Variants in KAZN observed in about 807,000 individuals in gnomAD.
The protein encoded by KAZN is kazrin, periplakin interacting protein, also known as kazrin.
KAZN carries 40 observed loss-of-function variants against 87.4 expected under a neutral mutation model. That is an observed-to-expected ratio of 0.46 (90% confidence interval 0.36 to 0.60). The LOEUF (loss-of-function observed/expected upper bound fraction) is 0.60, where lower values mean the gene tolerates loss of function less well. Among genes scored for constraint, KAZN ranks in the 20% least tolerant of loss-of-function variants. KAZN has a pLI of 0.00. For missense variants in KAZN, 898 were observed against 1,073.9 expected (o/e 0.84, Z 2.29); for synonymous variants, 466 against 458.3 (o/e 1.02, Z -0.22).
intron 1 of KAZN, among the ~76,000 whole-genome samples, chr1:14,660,935 GACAGCCGCATCCTCC>G (rs1639130355): frequency 6.6e-6 from 1 of 152,170 alleles, no homozygotes; most frequent in African/African-American, 2.4e-5. Flanking sequence ...AGCAGGCTGT[GACAGCCGCATCCTCC>G]ACAGCACTGT....
intron 2 of KAZN, among the ~76,000 whole-genome samples, chr1:14,541,563 C>G (rs1185256245): frequency 6.6e-6 from 1 of 152,150 alleles, no homozygotes. Context: ...ATTGCTCAAC[C>G]CTTCGTGCTT....
rs1219985868 is a variant in KAZN at position 15,066,560 on chromosome 1, G to GA, written c.1222+815dup. The GA allele has an allele frequency of 1.3e-5, 13 of 983,678 alleles. No homozygotes were observed. The highest frequency in any genetic ancestry group is 6.2e-5 in the Admixed American group (1 of 16,208). The allele number at this position is 983,678 out of a possible 1,614,324, so 60.9% of individuals were successfully genotyped here. Reference sequence around the variant, plus strand: ...ATTGCATTGCCGTTTCTTTCTTTATGAAAAAAAAGAAAAAAAGAAAATTGT... The same window carrying GA: ...ATTGCATTGCCGTTTCTTTCTTTATGAAAAAAAAAGAAAAAAAGAAAATTGT... On this transcript the variant is annotated intron_variant, in intron 8 of 14. Transcript: ENST00000376030. This position sits in a 1 kb window ranked among gnomAD's most constrained non-coding sequence, Gnocchi z 4.3.
intron 2 of KAZN, among the ~76,000 whole-genome samples, chr1:14,519,110 A>G (rs892586468): frequency 2.0e-5 from 3 of 152,186 alleles, no homozygotes; most frequent in African/African-American, 4.8e-5. Context: ...CCCATTCAGC[A>G]TGGACTGCCT....
Position 14,576,432 on chromosome 1 carries a change from A to C in KAZN, c.250-22551A>C, listed in dbSNP as rs190703571. Among the ~76,000 whole-genome samples, 539 of 150,862 alleles carry C rather than the reference A, an allele frequency of 3.6e-3. 20 individuals are homozygous for C. The East Asian group carries it at 0.062, about 17-fold the overall frequency. ...AGATAAATAGATGGGTAGATGGATG[A>C]ATGGAACAATGGATGGATGGATGGA... On this transcript the variant is annotated intron_variant, in intron 2 of 16. Transcript: ENST00000636203.
chr1:14,074,622 G>A (rs1007948191), intron 1 of KAZN, among the ~76,000 whole-genome samples: 1 of 152,136 alleles, frequency 6.6e-6, no homozygotes, highest in African/African-American at 2.4e-5. Context: ...ACTAGAGCAG[G>A]GCCCTCTACA....
At position 14,598,779 on chromosome 1, in the gene KAZN, TC is replaced by T; in HGVS notation, c.-213del. ...CTCCTCTTTTTTCTCCTCCGCCTCC[TC>T]CCCCCGCCGCCTCGCCACCGCCGCG... On this transcript the variant is annotated 5_prime_UTR_variant, in exon 1 of 15. Coordinates refer to ENST00000376030, the MANE Select transcript of KAZN (RefSeq NM_201628.3). This position sits in a 1 kb window ranked among gnomAD's most constrained non-coding sequence, Gnocchi z 4.2. 6 of 1,348,310 alleles carry T rather than the reference TC, an allele frequency of 4.5e-6. No individual in the cohort carries two copies. The highest frequency in any genetic ancestry group is 2.0e-5 in the South Asian group (1 of 48,994). The allele number at this position is 1,348,310 out of a possible 1,614,324, so 83.5% of individuals were successfully genotyped here. A position where few individuals can be genotyped will look rare whatever the true frequency, so the allele number is the denominator to read the frequency against.
chr1:14,910,102 T>G (rs1298882255), intron 1 of KAZN, among the ~76,000 whole-genome samples: 2 of 133,768 alleles, frequency 1.5e-5, no homozygotes, highest in African/African-American at 5.1e-5. Flanking sequence ...TGCCTGGCCC[T>G]GCCCTAATTA....
chr1:13,989,720 C>T (rs1557767027), intron 1 of KAZN, among the ~76,000 whole-genome samples: 1 of 152,086 alleles, frequency 6.6e-6, no homozygotes, highest in African/African-American at 2.4e-5. Flanking sequence ...GAGGGAGATA[C>T]TAGTAAAGAA....
intron 1 of KAZN, among the ~76,000 whole-genome samples, chr1:14,898,487 T>C (rs1655506865): frequency 6.6e-6 from 1 of 151,816 alleles, no homozygotes; most frequent in African/African-American, 2.4e-5. Flanking sequence ...GGGGTTGGGG[T>C]CAGGAAGCTG....
At chr1:14,631,333 C>T (rs577537589) in intron 1 of KAZN, among the ~76,000 whole-genome samples, 2 of 152,306 alleles carry the variant, frequency 1.3e-5, no homozygotes, top group South Asian at 4.1e-4. Context: ...GGATCAAGCC[C>T]CCATCCTTGG....
intron 1 of KAZN, among the ~76,000 whole-genome samples, chr1:13,977,951 C>G (rs924498175): frequency 1.3e-5 from 2 of 151,936 alleles, no homozygotes; most frequent in Non-Finnish European, 2.9e-5. Flanking sequence ...CACGGTGAAA[C>G]CCCGTCTCTA....
intron 1 of KAZN, among the ~76,000 whole-genome samples, chr1:14,893,466 C>A (rs999202557): frequency 3.3e-5 from 5 of 152,224 alleles, no homozygotes; most frequent in African/African-American, 1.2e-4. Context: ...GTCACGGGGG[C>A]TTCTCCAGGG....
intron 2 of KAZN, among the ~76,000 whole-genome samples, chr1:14,460,003 A>G (rs1030480087): frequency 6.6e-6 from 1 of 152,212 alleles, no homozygotes; most frequent in African/African-American, 2.4e-5. Flanking sequence ...CCGTCAGAGC[A>G]GAAATAGCAA....
intron 1 of KAZN, among the ~76,000 whole-genome samples, chr1:14,853,820 A>G (rs1039849998): frequency 1.3e-5 from 2 of 152,122 alleles, no homozygotes; most frequent in Non-Finnish European, 2.9e-5. Context: ...TTCTCCATCT[A>G]TTTCAAGAGC....
intron 1 of KAZN, among the ~76,000 whole-genome samples, chr1:14,045,845 G>A (rs61777722): frequency 0.14 from 21,484 of 152,094 alleles, 1,921 homozygotes; most frequent in Middle Eastern, 0.25. Flanking sequence ...ATTCCACAAT[G>A]GATAACCATT....
intron 2 of KAZN, among the ~76,000 whole-genome samples, chr1:14,338,517 A>T (rs12757088): frequency 3.4e-4 from 51 of 149,150 alleles, no homozygotes; most frequent in Admixed American, 6.6e-4. Context: ...AGAGAGAGAG[A>T]GAGTGAGAGA....
intron 1 of KAZN, among the ~76,000 whole-genome samples, chr1:14,871,990 G>C (rs1652195178): frequency 6.6e-6 from 1 of 152,134 alleles, no homozygotes; most frequent in Admixed American, 6.5e-5. Context: ...ACCAGAAGAA[G>C]GGGGCATGAA....
At chr1:14,064,600 A>G (rs1642932255) in intron 1 of KAZN, among the ~76,000 whole-genome samples, 1 of 149,284 alleles carries the variant, frequency 6.7e-6, no homozygotes, top group Non-Finnish European at 1.5e-5. Context: ...ATTTGAGCTG[A>G]TGGGCATTGT....
chr1:14,983,307 T>C (rs932297161), intron 2 of KAZN, among the ~76,000 whole-genome samples: 4 of 152,164 alleles, frequency 2.6e-5, no homozygotes, highest in Admixed American at 2.0e-4. Context: ...GACTTGACGC[T>C]AGAGCCGGAG....
Sources: allele counts gnomAD v4.1 joint callset (sites outside exome capture counted in the v4.1 genomes callset), GRCh38; gene constraint gnomAD v4.1.1; non-coding constraint Gnocchi (gnomAD v3.1); transcripts MANE v1.5; gene names NCBI Gene and HGNC (gene_info 2026-07-23, HGNC 2026-07-21).